The following KCNN2 variants were observed in gnomAD, a reference collection of about 807,000 sequenced individuals.
KCNN2 encodes potassium calcium-activated channel subfamily N member 2, also known as small conductance calcium-activated potassium channel protein 2.
Under a neutral mutation model 55.5 loss-of-function variants are expected in KCNN2, and 24 were observed. The observed-to-expected ratio is 0.43, with a 90% CI of 0.31 to 0.61. The LOEUF (loss-of-function observed/expected upper bound fraction) is 0.61. Among genes scored for constraint, KCNN2 ranks in the 20% least tolerant of loss-of-function variants. The pLI is 0.08. For synonymous variants in KCNN2, 431 were observed against 336.1 expected (o/e 1.28, Z -3.09); for missense variants, 754 against 853.6 (o/e 0.88, Z 1.45).
intron 1 of KCNN2, among the ~76,000 whole-genome samples, chr5:114,156,969 T>C (rs1752648105): frequency 6.6e-6 from 1 of 151,964 alleles, no homozygotes; most frequent in African/African-American, 2.4e-5. Flanking sequence ...TCTAAGGATT[T>C]TACTGGAAAT....
At chr5:114,461,730 G>GA (rs771915363) in intron 3 of KCNN2, among the ~76,000 whole-genome samples, 8,014 of 141,908 alleles carry the variant, frequency 0.056, 670 homozygotes, top group African/African-American at 0.19. Context: ...TGAGGGACAG[G>GA]AAAAAAAAAA....
intron 1 of KCNN2, among the ~76,000 whole-genome samples, chr5:114,140,348 A>G (rs1440803827): frequency 1.3e-5 from 2 of 152,174 alleles, no homozygotes; most frequent in African/African-American, 4.8e-5. Context: ...TCACTGAGTT[A>G]TGGGCTGTGC....
At position 114,363,931 on chromosome 5, in the gene KCNN2, A is replaced by G; in HGVS notation, c.1148A>G (p.Lys383Arg). 1 of 1,613,944 alleles carries G rather than the reference A, an allele frequency of 6.2e-7. No individual in the cohort carries two copies. Among genetic ancestry groups the G allele is most frequent in the Non-Finnish European group, 8.5e-7 (1 of 1,179,872 alleles). The change falls in exon 2 of 8, where the codon AAA (lysine) becomes AGA (arginine). Residue 383 changes from lysine to arginine, a missense_variant. Lys to Arg is a conservative substitution (Grantham distance 26, BLOSUM62 2). This residue lies in a region of KCNN2 where 123 missense variants were observed against 204.9 expected (regional missense o/e 0.60). Coordinates refer to ENST00000673685, the MANE Select transcript of KCNN2 (RefSeq NM_021614.4). ...DKASLYSLAL[K>R]CLISLSTIIL... Reference sequence around the variant, plus strand: ...GCGTCGCTGTATTCCTTAGCTCTGAAATGCCTTATCAGTCTCTCCACGATC... The same window carrying G: ...GCGTCGCTGTATTCCTTAGCTCTGAGATGCCTTATCAGTCTCTCCACGATC...
At chr5:114,261,528 A>C (rs1181542065) in intron 2 of KCNN2, among the ~76,000 whole-genome samples, 1 of 152,220 alleles carries the variant, frequency 6.6e-6, no homozygotes, top group Non-Finnish European at 1.5e-5. Flanking sequence ...AAAAAGGCAG[A>C]GGGCCAGAAC....
chr5:114,407,073 T>A (rs1016842982), intron 3 of KCNN2, among the ~76,000 whole-genome samples: 1 of 152,124 alleles, frequency 6.6e-6, no homozygotes, highest in Non-Finnish European at 1.5e-5. Context: ...GTATTGGTAT[T>A]CTAAAATTAC....
At chr5:114,446,996 T>C (rs1002934457) in intron 3 of KCNN2, among the ~76,000 whole-genome samples, 4 of 152,184 alleles carry the variant, frequency 2.6e-5, no homozygotes, top group African/African-American at 9.7e-5. Context: ...AGGTGCTCAG[T>C]AGACACATGT....
chr5:114,230,320 A>G (rs1754333002), intron 2 of KCNN2, among the ~76,000 whole-genome samples: 1 of 136,864 alleles, frequency 7.3e-6, no homozygotes, highest in East Asian at 2.2e-4. Flanking sequence ...TTTAGGGTAC[A>G]TGTGCACATT....
At chr5:114,315,913 G>C (rs952415903) in intron 2 of KCNN2, among the ~76,000 whole-genome samples, 6 of 152,158 alleles carry the variant, frequency 3.9e-5, no homozygotes, top group African/African-American at 1.4e-4. Flanking sequence ...CTGAGATATA[G>C]AGTAGGGAAG....
At chr5:114,100,960 T>C (rs1751362340) in intron 1 of KCNN2, among the ~76,000 whole-genome samples, 1 of 151,708 alleles carries the variant, frequency 6.6e-6, no homozygotes, top group Non-Finnish European at 1.5e-5. Context: ...ATTGTAGATC[T>C]CTTTTCAAAA....
chr5:114,250,211 G>T (rs937050675), intron 2 of KCNN2, among the ~76,000 whole-genome samples: 2 of 152,154 alleles, frequency 1.3e-5, no homozygotes, highest in Admixed American at 6.5e-5. Flanking sequence ...TTAAAAAAAG[G>T]AATGTTATAT....
intron 1 of KCNN2, among the ~76,000 whole-genome samples, chr5:114,140,505 T>C (rs534059167): frequency 2.0e-5 from 3 of 152,296 alleles, no homozygotes; most frequent in South Asian, 2.1e-4. Flanking sequence ...ATTTAAGTCA[T>C]CATCTACGTA....
At chr5:114,085,238 T>G (rs1261154766) in intron 1 of KCNN2, among the ~76,000 whole-genome samples, 1 of 151,978 alleles carries the variant, frequency 6.6e-6, no homozygotes, top group Non-Finnish European at 1.5e-5. Flanking sequence ...AGCATCAGTT[T>G]ATTGATTTCT....
At chr5:114,399,925 T>TG (rs1360809460) in intron 2 of KCNN2, among the ~76,000 whole-genome samples, 14 of 134,786 alleles carry the variant, frequency 1.0e-4, no homozygotes, top group African/African-American at 4.5e-4. Context: ...AGGGTTTTTT[T>TG]TTTTGTTTTT....
chr5:114,443,599 C>G (rs1261172787), intron 3 of KCNN2, among the ~76,000 whole-genome samples: 1 of 152,184 alleles, frequency 6.6e-6, no homozygotes, highest in Non-Finnish European at 1.5e-5. Context: ...ATTTAATTTC[C>G]TATGAATAAG....
intron 1 of KCNN2, among the ~76,000 whole-genome samples, chr5:114,200,563 C>T (rs1753653810): frequency 6.6e-6 from 1 of 151,700 alleles, no homozygotes; most frequent in Admixed American, 6.6e-5. Flanking sequence ...TGTTGTGGTC[C>T]TTTGATGGTA....
chr5:114,220,309 G>T lies in KCNN2; in HGVS notation c.-270-1171G>T, dbSNP rs973807039. Reference sequence around the variant, plus strand: ...CAACACTTTCAAGATAGCAATGCTGGAAAAAATATTTAAAAACATATATTT... The same window carrying T: ...CAACACTTTCAAGATAGCAATGCTGTAAAAAATATTTAAAAACATATATTT... On this transcript the variant is annotated intron_variant, in intron 1 of 10. Coordinates refer to the KCNN2 transcript ENST00000512097. 2.0e-5 allele frequency among the ~76,000 whole-genome samples: 3 copies of T among 152,012 alleles called. No homozygotes were observed. In the South Asian group the frequency reaches 6.2e-4, roughly 31 times the overall value.
chr5:114,249,249 G>A (rs781765181), intron 2 of KCNN2, among the ~76,000 whole-genome samples: 21 of 150,838 alleles, frequency 1.4e-4, no homozygotes, highest in Non-Finnish European at 2.8e-4. Context: ...ATGGTATCAC[G>A]AAAGTTCTCA....
At chr5:114,094,994 G>A (rs1481865947) in intron 1 of KCNN2, among the ~76,000 whole-genome samples, 1 of 151,800 alleles carries the variant, frequency 6.6e-6, no homozygotes, top group Non-Finnish European at 1.5e-5. Flanking sequence ...CTTTACTACT[G>A]CTTTAAATAT....
rs1416626828 is a variant in KCNN2 at position 114,496,189 on chromosome 5, ATAAGT to A, written c.*11_*15del. 1 of 1,612,058 alleles carries A rather than the reference ATAAGT, an allele frequency of 6.2e-7. No individual in the cohort carries two copies. The highest frequency in any genetic ancestry group is 8.5e-7 in the Non-Finnish European group (1 of 1,178,812). On this transcript the variant is annotated 3_prime_UTR_variant, in exon 8 of 8. Transcript: ENST00000673685. ...TTCATCAGAGAGTAGCTAGAAGAGAATAAGTTAACCACAAAATAAGACTTTTTGCC... is the reference window on the plus strand; with the variant it reads ...TTCATCAGAGAGTAGCTAGAAGAGAATAACCACAAAATAAGACTTTTTGCC...
Sources: allele counts gnomAD v4.1 joint callset (sites outside exome capture counted in the v4.1 genomes callset), GRCh38; gene constraint gnomAD v4.1.1; regional missense constraint gnomAD v4.1.1; transcripts MANE v1.5; gene names NCBI Gene and HGNC (gene_info 2026-07-23, HGNC 2026-07-21).